LHFPL6: variants seen among roughly 807,000 people sequenced by gnomAD.
LHFPL6 encodes LHFPL tetraspan subfamily member 6.
LHFPL6 carries 9 observed loss-of-function variants against 20.6 expected under a neutral mutation model. That is an observed-to-expected ratio of 0.44 (90% CI 0.26 to 0.76). The LOEUF is 0.76. Ranked by LOEUF, LHFPL6 falls within the 30% of genes least tolerant of loss-of-function variation. The probability of loss-of-function intolerance (pLI) is 0.20; values close to 1 mark genes in which losing one functional copy is unlikely to be tolerated. For missense variants in LHFPL6, 218 were observed against 253.5 expected (o/e 0.86, Z 0.95); for synonymous variants, 105 against 98.7 (o/e 1.06, Z -0.38).
At chr13:39,435,505 A>G (rs561046377) in intron 2 of LHFPL6, among the ~76,000 whole-genome samples, 3 of 152,378 alleles carry the variant, frequency 2.0e-5, no homozygotes, top group Admixed American at 6.5e-5. Context: ...AGTAAAATGT[A>G]TCAACATTTA....
chr13:39,446,524 A>T (rs1174089314), intron 2 of LHFPL6, among the ~76,000 whole-genome samples: 2 of 152,058 alleles, frequency 1.3e-5, no homozygotes, highest in Non-Finnish European at 2.9e-5. Context: ...GGGACAGTAT[A>T]CCCTGAGAGA....
intron 2 of LHFPL6, among the ~76,000 whole-genome samples, chr13:39,560,103 C>T (rs1264642480): frequency 1.3e-5 from 2 of 152,094 alleles, no homozygotes; most frequent in Admixed American, 6.6e-5. Context: ...GGTAACTATC[C>T]GATCTACCAG....
At chr13:39,403,702 T>A (rs1871045691) in intron 2 of LHFPL6, among the ~76,000 whole-genome samples, 2 of 152,360 alleles carry the variant, frequency 1.3e-5, no homozygotes, top group African/African-American at 2.4e-5. Flanking sequence ...AGTGGTTCAC[T>A]AATTAGCATG....
At chr13:39,508,556 G>A (rs1869573888) in intron 2 of LHFPL6, among the ~76,000 whole-genome samples, 1 of 152,118 alleles carries the variant, frequency 6.6e-6, no homozygotes, top group African/African-American at 2.4e-5. Context: ...GAATTTTCAA[G>A]AATTTTATAT....
chr13:39,478,927 G>A (rs1341775761), intron 2 of LHFPL6, among the ~76,000 whole-genome samples: 1 of 151,532 alleles, frequency 6.6e-6, no homozygotes, highest in East Asian at 1.9e-4. Flanking sequence ...TCCTTATAAT[G>A]AATCTCTTTA....
rs760698196 is a variant in LHFPL6, at chr13:39,601,161, C to G, written c.56G>C (p.Cys19Ser). ...GVIWALLSFL[C>S]AATSCVGFFM... Reference sequence around the variant, plus strand: ...GAACCCCACGCAGGAGGTGGCAGCACAAAGAAAAGACAGCAAAGCCCAGAT... The same window carrying G: ...GAACCCCACGCAGGAGGTGGCAGCAGAAAGAAAAGACAGCAAAGCCCAGAT... Residue 19 changes from cysteine to serine, a missense_variant, in exon 2 of 4, where the codon TGT (cysteine) becomes TCT (serine). Physicochemically the swap from Cys to Ser is moderately radical, Grantham distance 112. Coordinates refer to ENST00000379589, the MANE Select transcript of LHFPL6 (RefSeq NM_005780.3). 5.6e-6 allele frequency: 9 copies of G among 1,613,898 alleles called. No homozygotes were observed. In the South Asian group the frequency reaches 8.8e-5, roughly 16 times the overall value.
chr13:39,474,568 C>A lies in LHFPL6; in HGVS notation c.386-96042G>T, dbSNP rs1873032606. 3.3e-5 allele frequency among the ~76,000 whole-genome samples: 5 copies of A among 152,222 alleles called. No homozygotes were observed. The South Asian group carries it at 1.0e-3, about 32-fold the overall frequency. Reference sequence around the variant, plus strand: ...ACCTTTTTTCTTACCCTTGTAGAGTCAAACTATGAAGTCATTATGACTTTA... The same window carrying A: ...ACCTTTTTTCTTACCCTTGTAGAGTAAAACTATGAAGTCATTATGACTTTA... On this transcript the variant is annotated intron_variant, in intron 2 of 3. Transcript: ENST00000379589.
intron 2 of LHFPL6, among the ~76,000 whole-genome samples, chr13:39,395,952 G>A (rs369557369): frequency 1.6e-4 from 24 of 152,292 alleles, no homozygotes; most frequent in African/African-American, 5.1e-4. Context: ...AAGGAAATGC[G>A]ATTGCTTTCT....
At chr13:39,561,382 C>T (rs905651072) in intron 2 of LHFPL6, among the ~76,000 whole-genome samples, 5 of 152,134 alleles carry the variant, frequency 3.3e-5, no homozygotes, top group African/African-American at 1.2e-4. Context: ...TTAATAAGAT[C>T]CCCACAACTT....
At chr13:39,424,511 G>GA (rs1206330323) in intron 2 of LHFPL6, among the ~76,000 whole-genome samples, 1 of 152,170 alleles carries the variant, frequency 6.6e-6, no homozygotes, top group Non-Finnish European at 1.5e-5. Flanking sequence ...CCTATTGTGT[G>GA]AATGTGAAGT....
At chr13:39,345,404 T>A (rs1217260017) in intron 3 of LHFPL6, among the ~76,000 whole-genome samples, 1 of 148,898 alleles carries the variant, frequency 6.7e-6, no homozygotes, top group Admixed American at 6.8e-5. Context: ...TCCCAACTAC[T>A]CAGGAGGCTG....
chr13:39,494,874 T>C (rs1245457723), intron 2 of LHFPL6, among the ~76,000 whole-genome samples: 4 of 152,200 alleles, frequency 2.6e-5, no homozygotes, highest in African/African-American at 4.8e-5. Flanking sequence ...AATTAATTAG[T>C]TCAGAATTTT....
chr13:39,469,989 C>G lies in LHFPL6; in HGVS notation c.386-91463G>C, dbSNP rs534920605. ...GTAATTACTTACATCTCGGAAAAGA[C>G]GAAGATGTGAAGGAACATCAGGAAA... On this transcript the variant is annotated intron_variant, in intron 2 of 3. Coordinates refer to ENST00000379589, the MANE Select transcript of LHFPL6 (RefSeq NM_005780.3). 3.3e-5 allele frequency among the ~76,000 whole-genome samples: 5 copies of G among 152,132 alleles called. No homozygotes were observed. In the South Asian group the frequency reaches 1.0e-3, roughly 32 times the overall value.
chr13:39,421,424 C>T (rs1871481639), intron 2 of LHFPL6, among the ~76,000 whole-genome samples: 1 of 152,038 alleles, frequency 6.6e-6, no homozygotes. Context: ...TAGATTCCAG[C>T]ATTATGACTG....
chr13:39,479,321 C>A (rs1868427135), intron 2 of LHFPL6, among the ~76,000 whole-genome samples: 1 of 152,026 alleles, frequency 6.6e-6, no homozygotes, highest in Non-Finnish European at 1.5e-5. Flanking sequence ...CTTTTGAGTA[C>A]TGGGAAAACT....
At chr13:39,592,630 G>A (rs1296188270) in intron 2 of LHFPL6, among the ~76,000 whole-genome samples, 3 of 152,158 alleles carry the variant, frequency 2.0e-5, no homozygotes, top group Non-Finnish European at 4.4e-5. Context: ...TATGAGGCCA[G>A]CATCATCCTG....
At chr13:39,434,506 A>G (rs529156012) in intron 2 of LHFPL6, among the ~76,000 whole-genome samples, 11 of 152,318 alleles carry the variant, frequency 7.2e-5, no homozygotes, top group African/African-American at 2.2e-4. Context: ...TCAAATTGTT[A>G]TAAATATGTC....
intron 2 of LHFPL6, among the ~76,000 whole-genome samples, chr13:39,591,180 C>T (rs1190949428): frequency 6.6e-6 from 1 of 151,930 alleles, no homozygotes; most frequent in Non-Finnish European, 1.5e-5. Flanking sequence ...TAACTCAAAA[C>T]GGGGAAAAAC....
At chr13:39,545,581 A>G (rs1244100014) in intron 2 of LHFPL6, among the ~76,000 whole-genome samples, 1 of 152,022 alleles carries the variant, frequency 6.6e-6, no homozygotes, top group Non-Finnish European at 1.5e-5. Flanking sequence ...CTCCCCATCC[A>G]TGGGGGATTG....
Sources: gnomAD v4.1 joint callset for allele counts (sites outside exome capture counted in the v4.1 genomes callset) on GRCh38, gnomAD v4.1.1 for gene constraint, MANE v1.5 for transcripts, NCBI Gene and HGNC (gene_info 2026-07-23, HGNC 2026-07-21) for gene names.